CNTNAP2: variants seen among roughly 807,000 people sequenced by gnomAD.
The protein encoded by CNTNAP2 is contactin associated protein 2, also known as contactin-associated protein-like 2.
A neutral mutation model predicts 155.2 loss-of-function variants in CNTNAP2; 98 were observed. That is an observed-to-expected ratio of 0.63 (90% CI 0.54 to 0.75). The LOEUF (loss-of-function observed/expected upper bound fraction) is 0.75, where lower values mean the gene tolerates loss of function less well. CNTNAP2 is among the 30% of genes least tolerant of loss of function. CNTNAP2 has a pLI of 0.00. For synonymous variants in CNTNAP2, 651 were observed against 631.2 expected (o/e 1.03, Z -0.47); for missense variants, 1,727 against 1,688.1 (o/e 1.02, Z -0.40).
intron 21 of CNTNAP2, among the ~76,000 whole-genome samples, chr7:148,370,665 C>G (rs981835620): frequency 2.4e-4 from 36 of 150,992 alleles, no homozygotes; most frequent in African/African-American, 8.7e-4. Flanking sequence ...CTGGTGTTTC[C>G]ACCGCACCCC....
At chr7:147,264,422 C>A (rs767658232) in intron 8 of CNTNAP2, among the ~76,000 whole-genome samples, 3 of 151,820 alleles carry the variant, frequency 2.0e-5, no homozygotes, top group Non-Finnish European at 2.9e-5. Context: ...AATGGTAGAA[C>A]AAGGTAAGAG....
chr7:147,837,383 G>A (rs886248221), intron 13 of CNTNAP2, among the ~76,000 whole-genome samples: 2 of 151,882 alleles, frequency 1.3e-5, no homozygotes, highest in African/African-American at 4.8e-5. Context: ...CCTCCCACTG[G>A]GTCCCTCCCA....
At chr7:146,746,475 G>T (rs1393103827) in intron 1 of CNTNAP2, among the ~76,000 whole-genome samples, 2 of 152,040 alleles carry the variant, frequency 1.3e-5, no homozygotes, top group African/African-American at 4.8e-5. Context: ...AATATTGTTT[G>T]TGACTAAGGT....
At chr7:147,952,949 C>A (rs371618238) in intron 14 of CNTNAP2, among the ~76,000 whole-genome samples, 2 of 152,082 alleles carry the variant, frequency 1.3e-5, no homozygotes, top group Admixed American at 6.6e-5. Context: ...ACCTGAGAAA[C>A]GTAGAGATTT....
At chr7:148,264,591 CTTT>C (rs1188941262) in intron 20 of CNTNAP2, among the ~76,000 whole-genome samples, 1 of 152,148 alleles carries the variant, frequency 6.6e-6, no homozygotes, top group East Asian at 1.9e-4. Flanking sequence ...TAGCAGGCAA[CTTT>C]TTTTCCGGCA....
intron 4 of CNTNAP2, among the ~76,000 whole-genome samples, chr7:147,080,292 T>C (rs1800095359): frequency 6.6e-6 from 1 of 152,218 alleles, no homozygotes; most frequent in Admixed American, 6.5e-5. Context: ...TTATCCAACG[T>C]AAACATGTCA....
At chr7:147,736,277 A>T (rs1372669126) in intron 13 of CNTNAP2, among the ~76,000 whole-genome samples, 2 of 151,948 alleles carry the variant, frequency 1.3e-5, no homozygotes, top group Non-Finnish European at 2.9e-5. Context: ...TCCTTCACTT[A>T]TGAAGCTTAG....
intron 3 of CNTNAP2, among the ~76,000 whole-genome samples, chr7:146,905,584 CT>C (rs915759971): frequency 1.1e-4 from 16 of 152,142 alleles, no homozygotes; most frequent in African/African-American, 3.6e-4. Flanking sequence ...CAGAGACTAG[CT>C]TTCCCCAAGT....
chr7:146,412,232 C>T (rs1189742338), intron 1 of CNTNAP2, among the ~76,000 whole-genome samples: 1 of 152,184 alleles, frequency 6.6e-6, no homozygotes, highest in Non-Finnish European at 1.5e-5. Context: ...GAGCCAGGGA[C>T]GTGGCCAAAC....
At chr7:148,326,871 A>AG (rs1300574668) in intron 21 of CNTNAP2, among the ~76,000 whole-genome samples, 1 of 151,810 alleles carries the variant, frequency 6.6e-6, no homozygotes, top group African/African-American at 2.4e-5. Flanking sequence ...TCTCAAAAAA[A>AG]AAAAAAAAAT....
intron 12 of CNTNAP2, among the ~76,000 whole-genome samples, chr7:147,621,484 G>A (rs1794851737): frequency 6.6e-6 from 1 of 151,688 alleles, no homozygotes; most frequent in South Asian, 2.1e-4. Flanking sequence ...AAGTTAAAAA[G>A]CAGAAGGATA....
Position 146,116,992 on chromosome 7 carries a change from G to C in CNTNAP2, c.97+19G>C. On this transcript the variant is annotated intron_variant, in intron 1 of 23. Coordinates refer to ENST00000361727, the MANE Select transcript of CNTNAP2 (RefSeq NM_014141.6). The surrounding 1 kb of genome is among the most constrained non-coding windows in gnomAD (Gnocchi z 5.5). ...ACGTCCCGTAAGTAGCCGTCTCCTC[G>C]CTCTGCTCTGGAGCAGTTTCAGTGC... The C allele has an allele frequency of 1.3e-6, 2 of 1,545,894 alleles. No homozygotes were observed. The highest frequency in any genetic ancestry group is 1.8e-6 in the Non-Finnish European group (2 of 1,142,698).
intron 8 of CNTNAP2, among the ~76,000 whole-genome samples, chr7:147,218,578 T>G (rs1412037581): frequency 1.3e-4 from 19 of 148,382 alleles, no homozygotes; most frequent in Non-Finnish European, 1.5e-5. Context: ...GTTTTTTTTT[T>G]CTTGTTTAAT....
chr7:147,559,989 A>G (rs1800028687), intron 11 of CNTNAP2, among the ~76,000 whole-genome samples: 1 of 151,672 alleles, frequency 6.6e-6, no homozygotes. Flanking sequence ...ACCAACATGG[A>G]GAAACCCCGT....
At chr7:147,499,845 G>A (rs1798778917) in intron 11 of CNTNAP2, among the ~76,000 whole-genome samples, 1 of 152,158 alleles carries the variant, frequency 6.6e-6, no homozygotes, top group African/African-American at 2.4e-5. Context: ...TGGCAAGGCT[G>A]AGAACACTAG....
chr7:146,768,328 G>C (rs558068616), intron 1 of CNTNAP2, among the ~76,000 whole-genome samples: 1 of 151,666 alleles, frequency 6.6e-6, no homozygotes, highest in Non-Finnish European at 1.5e-5. Flanking sequence ...GTCTTCCCCC[G>C]ATGTCCATTT....
At chr7:146,441,662 T>C (rs1796322576) in intron 1 of CNTNAP2, among the ~76,000 whole-genome samples, 2 of 151,482 alleles carry the variant, frequency 1.3e-5, no homozygotes, top group Non-Finnish European at 2.9e-5. Flanking sequence ...CGCATTCCTC[T>C]CTGGGTTTTT....
In CNTNAP2 at chr7:147,801,262, G is replaced by GTA. The variant is rs1797977482; in HGVS notation, c.2099-102299_2099-102298dup. Among the ~76,000 whole-genome samples, 12 of 147,066 alleles carry GTA rather than the reference G, an allele frequency of 8.2e-5. No individual in the cohort carries two copies. The South Asian group carries it at 2.6e-3, about 32-fold the overall frequency. On this transcript the variant is annotated intron_variant, in intron 13 of 23. Coordinates refer to ENST00000361727, the MANE Select transcript of CNTNAP2 (RefSeq NM_014141.6). ...TTTACTTCTTAGAAACGTGTATCAT[G>GTA]TATATGCATGTTAAATAGGTATGTA...
At chr7:146,869,207 T>G (rs1173287631) in intron 3 of CNTNAP2, among the ~76,000 whole-genome samples, 1 of 152,206 alleles carries the variant, frequency 6.6e-6, no homozygotes, top group Non-Finnish European at 1.5e-5. Context: ...CCTAGTTTAT[T>G]GAGAGTTTTT....
Sources: gnomAD v4.1 joint callset for allele counts (sites outside exome capture counted in the v4.1 genomes callset) on GRCh38, gnomAD v4.1.1 for gene constraint, Gnocchi (gnomAD v3.1) non-coding constraint, MANE v1.5 for transcripts, NCBI Gene and HGNC (gene_info 2026-07-23, HGNC 2026-07-21) for gene names.